The following MYSM1 variants were observed in gnomAD, a reference collection of about 807,000 sequenced individuals.
MYSM1 encodes deubiquitinase MYSM1.
In MYSM1, 51 loss-of-function variants were observed where a neutral mutation model predicts 116.0. That is an observed-to-expected ratio of 0.44 (90% CI 0.35 to 0.56). The LOEUF is 0.56. Ranked by LOEUF, MYSM1 falls within the 20% of genes least tolerant of loss-of-function variation. The pLI, the probability that MYSM1 is intolerant of heterozygous loss-of-function variation, is 0.00. For missense variants in MYSM1, 900 were observed against 974.9 expected (o/e 0.92, Z 1.02); for synonymous variants, 313 against 315.2 (o/e 0.99, Z 0.07).
intron 1 of MYSM1, among the ~76,000 whole-genome samples, chr1:58,696,277 A>G (rs2811891): frequency 0.99 from 151,492 of 152,348 alleles, 75,327 homozygotes; most frequent in East Asian, 1. Flanking sequence ...ATCATTTCAA[A>G]TTCACTGTAG....
chr1:58,662,448 T>C (rs1319929555), intron 17 of MYSM1, among the ~76,000 whole-genome samples: 4 of 107,804 alleles, frequency 3.7e-5, no homozygotes, highest in Non-Finnish European at 7.5e-5. Context: ...GTAGCTGCCA[T>C]TATTCACCCC....
intron 2 of MYSM1, 67 bp downstream of exon 2, chr1:58,695,062 A>AT (rs1644954712): frequency 3.4e-6 from 3 of 882,886 alleles, no homozygotes; most frequent in African/African-American, 1.7e-5. Context: ...TAAAAAAAAA[A>AT]AAAGAAGAAG....
At chr1:58,674,027 A>T (rs988358747) in intron 10 of MYSM1, among the ~76,000 whole-genome samples, 6 of 152,126 alleles carry the variant, frequency 3.9e-5, no homozygotes, top group Non-Finnish European at 5.9e-5. Context: ...AAACACTATG[A>T]CAAAATTTTG....
chr1:58,673,763 A>G (rs1435927213), intron 10 of MYSM1, 113 bp from the exon 11 acceptor site: 7 of 862,054 alleles, frequency 8.1e-6, no homozygotes, highest in African/African-American at 1.7e-5. Context: ...TAATCTATCA[A>G]TTTAAATAGT....
In MYSM1 at chr1:58,659,406, A is replaced by G. The variant is rs1366709618; in HGVS notation, c.*591T>C. On this transcript the variant is annotated 3_prime_UTR_variant, in exon 20 of 20. Transcript: ENST00000472487. The stretch of plus-strand genomic sequence containing the variant: ...ACTGCTATACAATGAAATGGAAGAT[A>G]GTATCTATGATTAGAAACTGGTAAT... The G allele has an allele frequency of 6.6e-6, 1 of 152,182 alleles. No homozygotes were observed. The highest frequency in any genetic ancestry group is 1.5e-5 in the Non-Finnish European group (1 of 68,032). 9.4% of individuals were successfully genotyped at this position (152,182 alleles called of 1,614,324 possible). A position where few individuals can be genotyped will look rare whatever the true frequency, so the allele number is the denominator to read the frequency against.
Position 58,661,309 on chromosome 1 carries a change from A to ATACATCACAATTTTATATT in MYSM1, c.2270+78_2271-83dup, listed in dbSNP as rs1397073276. On this transcript the variant is annotated intron_variant, in intron 18 of 19. Coordinates refer to ENST00000472487, the MANE Select transcript of MYSM1 (RefSeq NM_001085487.3). ...TTCATAATAAACTATCACGGATGCC[A>ATACATCACAATTTTATATT]TACATCACAATTTTATATTTAACTT... 1.3e-5 allele frequency: 17 copies of ATACATCACAATTTTATATT among 1,325,174 alleles called. No homozygotes were observed. In the African/African-American group the frequency reaches 2.5e-4, roughly 19 times the overall value. The allele number at this position is 1,325,174 out of a possible 1,614,324, so 82.1% of individuals were successfully genotyped here.
In MYSM1 at chr1:58,661,367, C is replaced by A. The variant is rs774337836; in HGVS notation, c.2270+39G>T. 27 of 1,354,344 alleles carry A rather than the reference C, an allele frequency of 2.0e-5. No homozygotes were observed. In the Admixed American group the frequency reaches 3.1e-4, roughly 16 times the overall value. 83.9% of individuals were successfully genotyped at this position (1,354,344 alleles called of 1,614,324 possible). ...CTCTGAAACATAATTTAATGAGCAA[C>A]ACTGCAGATGTGCAACCATCTCAAA... On this transcript the variant is annotated intron_variant, in intron 18 of 19. Coordinates refer to ENST00000472487, the MANE Select transcript of MYSM1 (RefSeq NM_001085487.3).
chr1:58,680,286 C>A (rs4912369), intron 8 of MYSM1, among the ~76,000 whole-genome samples: 133,847 of 152,160 alleles, frequency 0.88, 58,857 homozygotes, highest in East Asian at 0.93. Flanking sequence ...TTGTATAATC[C>A]AAGGCAGGTC....
At position 58,699,999 on chromosome 1, in the gene MYSM1, C is replaced by G. The variant is rs758084487; in HGVS notation, c.54G>C (p.Ala18=). 1.9e-6 allele frequency: 3 copies of G among 1,613,614 alleles called. No homozygotes were observed. The highest frequency in any genetic ancestry group is 2.5e-6 in the Non-Finnish European group (3 of 1,180,006). Residue 18 remains alanine, a synonymous_variant, in exon 1 of 20, where the codon GCG becomes GCC. Coordinates refer to ENST00000472487, the MANE Select transcript of MYSM1 (RefSeq NM_001085487.3). ...CTAAGCCTCACCCTGGCTGTGCCCC[C>G]GCCGCCGCTACCACGTCCCCTTCGA... The part of the protein sequence containing the change: ...VDIEGDVVAA[A]GAQPGSGENT...
chr1:58,667,844 T>G lies in MYSM1; in HGVS notation c.1842+3A>C. ...AAACATTTTTTTAAAAGAGAGAACT[T>G]ACTTCAACTACTTTATCAACTTCTG... is the stretch of plus-strand genomic sequence containing the variant. On this transcript the variant is annotated splice_donor_region_variant and intron_variant, in intron 15 of 19. Transcript: ENST00000472487. 6.3e-7 allele frequency: 1 copy of G among 1,581,432 alleles called. No individual in the cohort carries two copies. Among genetic ancestry groups the G allele is most frequent in the Non-Finnish European group, 8.7e-7 (1 of 1,150,398 alleles).
At chr1:58,699,548 C>A in intron 1 of MYSM1, 1 of 836,716 alleles carries the variant, frequency 1.2e-6, no homozygotes, top group South Asian at 5.5e-5. Context: ...TACAACTATC[C>A]CCATGTGGAA....
At chr1:58,664,620 G>A (rs1644441317) in intron 17 of MYSM1, among the ~76,000 whole-genome samples, 1 of 152,082 alleles carries the variant, frequency 6.6e-6, no homozygotes, top group Non-Finnish European at 1.5e-5. Flanking sequence ...ATCAAATATA[G>A]GGCATCCAAG....
rs1323687988 is a variant in MYSM1 at position 58,655,522 on chromosome 1, G to A, written c.*4475C>T. 1.3e-5 allele frequency: 2 copies of A among 151,840 alleles called. No individual in the cohort carries two copies. Among genetic ancestry groups the A allele is most frequent in the East Asian group, 1.9e-4 (1 of 5,198 alleles). 9.4% of individuals were successfully genotyped at this position (151,840 alleles called of 1,614,324 possible). ...ACTATTTATTCCCTCCCTTGTTCCA[G>A]GAAAAATGTAAGGTGGCTTAGAAGA... On this transcript the variant is annotated 3_prime_UTR_variant, in exon 20 of 20. Coordinates refer to ENST00000472487, the MANE Select transcript of MYSM1 (RefSeq NM_001085487.3).
intron 8 of MYSM1, among the ~76,000 whole-genome samples, chr1:58,678,514 A>ATTT (rs962737166): frequency 1.3e-5 from 2 of 152,190 alleles, no homozygotes; most frequent in African/African-American, 4.8e-5. Context: ...TTTCCCCCTA[A>ATTT]CAAATAAGAG....
rs1342650689 is a variant in MYSM1 at position 58,681,770 on chromosome 1, G to A, written c.1259+15C>T. On this transcript the variant is annotated intron_variant, in intron 8 of 19. Transcript: ENST00000472487. ...CACGTTTTAAAACAACATCTATAAT[G>A]TAATTCTTTCTTACCATTGATCCAA... 5 of 1,561,410 alleles carry A rather than the reference G, an allele frequency of 3.2e-6. No homozygotes were observed. The highest frequency in any genetic ancestry group is 4.3e-6 in the Non-Finnish European group (5 of 1,158,504).
At chr1:58,690,477 C>T in intron 3 of MYSM1, 60 bp from the exon 4 acceptor site, 1 of 1,218,138 alleles carries the variant, frequency 8.2e-7, no homozygotes, top group Non-Finnish European at 1.2e-6. Context: ...TTTTACATTA[C>T]TTATACAAAA....
In MYSM1 at chr1:58,659,880, G is replaced by T; in HGVS notation, c.*117C>A. The stretch of plus-strand genomic sequence containing the variant: ...ATTTATGTGGCAAAGTTTGGATTTT[G>T]TGAAATAGAGAAAAAATACCAAAGC... On this transcript the variant is annotated 3_prime_UTR_variant, in exon 20 of 20. Coordinates refer to ENST00000472487, the MANE Select transcript of MYSM1 (RefSeq NM_001085487.3). 1.4e-6 allele frequency: 1 copy of T among 715,976 alleles called. No homozygotes were observed. Among genetic ancestry groups the T allele is most frequent in the Non-Finnish European group, 2.1e-6 (1 of 465,722 alleles). The allele number at this position is 715,976 out of a possible 1,614,324, so 44.4% of individuals were successfully genotyped here.
At chr1:58,663,647 T>C (rs1195668248) in intron 17 of MYSM1, among the ~76,000 whole-genome samples, 1 of 152,260 alleles carries the variant, frequency 6.6e-6, no homozygotes, top group Non-Finnish European at 1.5e-5. Context: ...TTCCCTCTAA[T>C]GCTTTCAAGT....
intron 10 of MYSM1, among the ~76,000 whole-genome samples, chr1:58,674,463 T>C (rs1644612834): frequency 6.6e-6 from 1 of 152,186 alleles, no homozygotes; most frequent in Non-Finnish European, 1.5e-5. Flanking sequence ...GCAACTCTAA[T>C]TGATAACATC....
Sources: gnomAD v4.1 joint callset for allele counts (sites outside exome capture counted in the v4.1 genomes callset) on GRCh38, gnomAD v4.1.1 for gene constraint, MANE v1.5 for transcripts, NCBI Gene and HGNC (gene_info 2026-07-23, HGNC 2026-07-21) for gene names.